LAMA1: variants seen among roughly 807,000 people sequenced by gnomAD.
LAMA1 encodes the protein laminin subunit alpha 1, also known as laminin subunit alpha-1.
A neutral mutation model predicts 348.7 loss-of-function variants in LAMA1; 219 were observed. The ratio of observed to expected loss-of-function variants is 0.63; its 90% CI spans 0.56 to 0.70. The LOEUF (loss-of-function observed/expected upper bound fraction) is 0.70, where lower values mean the gene tolerates loss of function less well. Ranked by LOEUF, LAMA1 falls within the 30% of genes least tolerant of loss-of-function variation. The pLI is 0.00. For missense variants in LAMA1, 3,744 were observed against 3,888.0 expected, an observed-to-expected ratio of 0.96 and a Z score of 0.99; for synonymous variants, 1,487 against 1,491.0, an observed-to-expected ratio of 1.00 and a Z score of 0.06.
intron 1 of LAMA1, among the ~76,000 whole-genome samples, chr18:7,087,652 T>C (rs764265646): frequency 5.3e-5 from 8 of 152,364 alleles, no homozygotes; most frequent in Middle Eastern, 3.4e-3. Flanking sequence ...TCAATATGTA[T>C]TTGGATTTTG....
At chr18:7,028,833 C>G (rs960185607) in intron 16 of LAMA1, among the ~76,000 whole-genome samples, 1 of 152,166 alleles carries the variant, frequency 6.6e-6, no homozygotes, top group Non-Finnish European at 1.5e-5. Flanking sequence ...CACTGACCCC[C>G]GGGCAGCTAC....
chr18:6,985,735 T>C (rs1007864849), intron 37 of LAMA1, 92 bp from the exon 38 acceptor site: 1 of 772,946 alleles, frequency 1.3e-6, no homozygotes, highest in Non-Finnish European at 2.3e-6. Context: ...AGTTAGTGCA[T>C]GGGACTCACT....
Position 6,982,680 on chromosome 18 carries a change from C to T in LAMA1, c.5797-90G>A, listed in dbSNP as rs537604063. On this transcript the variant is annotated intron_variant, in intron 40 of 62. Transcript: ENST00000389658. ...GGAAGTGACTCCATCAGAGTAGCCC[C>T]CAGACACATTCCCAGCAAGAAAGTC... 108 of 1,051,106 alleles carry T rather than the reference C, an allele frequency of 1.0e-4. No homozygotes were observed. The South Asian group carries it at 1.3e-3, about 12-fold the overall frequency. 65.1% of individuals were successfully genotyped at this position (1,051,106 alleles called of 1,614,324 possible).
chr18:7,017,217 G>T, intron 20 of LAMA1, 61 bp downstream of exon 20: 1 of 1,321,720 alleles, frequency 7.6e-7, no homozygotes, highest in Non-Finnish European at 1.1e-6. Flanking sequence ...CTCCTTCTGA[G>T]TCATGGATTC....
At chr18:7,103,685 G>A (rs951409833) in intron 1 of LAMA1, among the ~76,000 whole-genome samples, 4 of 151,596 alleles carry the variant, frequency 2.6e-5, no homozygotes, top group African/African-American at 4.8e-5. Flanking sequence ...CAGGCATGGT[G>A]GTGGGTGCCT....
In LAMA1 at chr18:7,040,130, G is replaced by T; in HGVS notation, c.1368C>A (p.Cys456Ter). Residue 456 changes from cysteine (C) to a stop codon, truncating the protein, a stop_gained, in exon 10 of 63, where the codon TGC (cysteine) becomes TGA (stop). Coordinates refer to ENST00000389658, the MANE Select transcript of LAMA1 (RefSeq NM_005559.4). LOFTEE classifies it high-confidence loss of function. ...KDYPTCVSCG[C>*]NPVGSASDEP... ...CATCACTGGCACTGCCCACTGGGTT[G>T]CACCCACAGGAGACACAGGTCGGGT... 6.2e-7 allele frequency: 1 copy of T among 1,614,118 alleles called. No individual in the cohort carries two copies. The highest frequency in any genetic ancestry group is 8.5e-7 in the Non-Finnish European group (1 of 1,180,014).
intron 3 of LAMA1, among the ~76,000 whole-genome samples, chr18:7,077,253 G>C (rs1276829871): frequency 8.2e-5 from 12 of 145,532 alleles, no homozygotes. Context: ...CCAGGCTGGA[G>C]TGCAGTGGTG....
At chr18:6,985,448 A>G (rs1365172165) in intron 38 of LAMA1, 48 bp from the exon 39 acceptor site, 1 of 1,602,230 alleles carries the variant, frequency 6.2e-7, no homozygotes, top group South Asian at 1.1e-5. Context: ...CTACTTAATA[A>G]CAGATATGTG....
rs185076723 is a variant in LAMA1, at chr18:6,950,949, G to A, written c.8230C>T (p.Arg2744Cys). ...ATCAGGCCGCTGGAGGCGAACGTGC[G>A]GATGCTTAGCTCAACCGAGAGCCTG... ...RKKLSVELSI[R>C]TFASSGLIYY... The change falls in exon 58 of 63, where the codon CGC becomes TGC. Residue 2744 changes from arginine to cysteine, a missense_variant. Around this residue, in one of 3 missense-constraint regions of LAMA1, gnomAD observed 1,983 missense variants for 1,934.3 expected, o/e 1.03. Coordinates refer to ENST00000389658, the MANE Select transcript of LAMA1 (RefSeq NM_005559.4). 64 of 1,613,922 alleles carry A rather than the reference G, an allele frequency of 4.0e-5. No homozygotes were observed. Among genetic ancestry groups the A allele is most frequent in the Admixed American group, 2.0e-4 (12 of 59,996 alleles).
intron 3 of LAMA1, among the ~76,000 whole-genome samples, chr18:7,063,544 T>TAC (rs2058110752): frequency 6.6e-6 from 1 of 152,136 alleles, no homozygotes; most frequent in East Asian, 1.9e-4. Flanking sequence ...AATACACATG[T>TAC]ACACCAATGT....
rs533726781 is a variant in LAMA1, at chr18:6,953,294, G to A, written c.8207+2059C>T. The stretch of plus-strand genomic sequence containing the variant: ...CGCAGATCGACTGTGGCAGTACAGC[G>A]GGGCTTGTGTTCAGGTCACCCTGAT... On this transcript the variant is annotated intron_variant, in intron 57 of 62. Transcript: ENST00000389658. Among the ~76,000 whole-genome samples the A allele has an allele frequency of 1.6e-4, 25 of 152,396 alleles. 1 individual carries two copies. In the East Asian group the frequency reaches 4.2e-3, roughly 26 times the overall value.
intron 59 of LAMA1, among the ~76,000 whole-genome samples, chr18:6,948,900 T>C (rs768082510): frequency 6.6e-6 from 1 of 152,180 alleles, no homozygotes; most frequent in Non-Finnish European, 1.5e-5. Flanking sequence ...GTTCATTAAC[T>C]AACAGGCTGG....
Position 6,959,431 on chromosome 18 carries a change from C to G in LAMA1, c.7688G>C (p.Gly2563Ala), listed in dbSNP as rs749695890. 2.5e-6 allele frequency: 4 copies of G among 1,614,054 alleles called. No homozygotes were observed. The highest frequency in any genetic ancestry group is 3.4e-6 in the Non-Finnish European group (4 of 1,180,040). The change falls in exon 54 of 63, where the codon GGG (glycine) becomes GCG (alanine). Residue 2563 changes from glycine to alanine, a missense_variant. Gly to Ala is a moderately conservative substitution (Grantham distance 60, BLOSUM62 0). Coordinates refer to ENST00000389658, the MANE Select transcript of LAMA1 (RefSeq NM_005559.4). ...CAGGAGAGCTTTTCTCAGGCCTGTC[C>G]CATCCCCAGGATTGACATGTACCTC... Reference protein sequence around the residue: ...NIEVHVNPGDGTGLRKALLHA... With the variant: ...NIEVHVNPGDATGLRKALLHA...
At chr18:6,965,658 T>C in intron 49 of LAMA1, 1 of 558,158 alleles carries the variant, frequency 1.8e-6, no homozygotes, top group Non-Finnish European at 3.2e-6. Flanking sequence ...AAATCCACAA[T>C]TCAGTAAGAG....
intron 48 of LAMA1, among the ~76,000 whole-genome samples, chr18:6,970,245 C>T (rs1324677054): frequency 6.6e-6 from 1 of 152,078 alleles, no homozygotes; most frequent in Non-Finnish European, 1.5e-5. Flanking sequence ...ATCATAGCTG[C>T]CAATTACAAA....
At chr18:7,017,858 C>T (rs991253355) in intron 19 of LAMA1, among the ~76,000 whole-genome samples, 5 of 151,598 alleles carry the variant, frequency 3.3e-5, no homozygotes, top group Admixed American at 6.6e-5. Context: ...ATATGATATC[C>T]CAGTTCTAAG....
chr18:7,009,234 AG>A lies in LAMA1; in HGVS notation c.4001+4del. 6.2e-7 allele frequency: 1 copy of A among 1,614,142 alleles called. No homozygotes were observed. Among genetic ancestry groups the A allele is most frequent in the Non-Finnish European group, 8.5e-7 (1 of 1,180,016 alleles). ...AACGGTCAAAATTCTAGAAGCTCCA[AG>A]TACCTGCTCTGCTGTAATCCTTGAC... On this transcript the variant is annotated splice_donor_region_variant and intron_variant, in intron 27 of 62. Transcript: ENST00000389658.
At position 6,986,290 on chromosome 18, in the gene LAMA1, T is replaced by C. The variant is rs778943344; in HGVS notation, c.5226A>G (p.Glu1742=). Residue 1742 remains glutamate, a synonymous_variant, in exon 37 of 63, where the codon GAA becomes GAG. Transcript: ENST00000389658. ...TTGCTGCTTCTTTCAATACCTCCAA[T>C]TCTTCCAGCGGCTTCTGGTAATTTT... ...IQENYQKPLE[E]LEVLKEAASH... is the part of the protein sequence containing the mutation. The C allele has an allele frequency of 1.4e-5, 22 of 1,614,228 alleles. No individual in the cohort carries two copies. In the South Asian group the frequency reaches 2.4e-4, roughly 18 times the overall value.
chr18:7,028,620 G>A (rs1336582368), intron 16 of LAMA1, among the ~76,000 whole-genome samples: 1 of 152,250 alleles, frequency 6.6e-6, no homozygotes, highest in African/African-American at 2.4e-5. Flanking sequence ...CCAGGCTGTA[G>A]AAAGGTGATA....
Sources: gnomAD v4.1 joint callset for allele counts (sites outside exome capture counted in the v4.1 genomes callset) on GRCh38, gnomAD v4.1.1 for gene constraint, gnomAD v4.1.1 regional missense constraint, MANE v1.5 for transcripts, NCBI Gene and HGNC (gene_info 2026-07-23, HGNC 2026-07-21) for gene names.